Variants in WDR88 observed in about 807,000 individuals in gnomAD.
The protein encoded by WDR88 is WD repeat domain 88.
A neutral mutation model predicts 46.8 loss-of-function variants in WDR88; 40 were observed. The ratio of observed to expected loss-of-function variants is 0.86; its 90% CI spans 0.66 to 1.11. The LOEUF (loss-of-function observed/expected upper bound fraction) is 1.11, where lower values mean the gene tolerates loss of function less well. Ranked by LOEUF, WDR88 falls within the 50% of genes most tolerant of loss-of-function variation. The pLI, the probability that WDR88 is intolerant of heterozygous loss-of-function variation, is 0.00. For missense variants in WDR88, 562 were observed against 602.4 expected, an observed-to-expected ratio of 0.93 and a Z score of 0.70; for synonymous variants, 235 against 240.7, an observed-to-expected ratio of 0.98 and a Z score of 0.22.
At chr19:33,135,891 CTTTTCTTTT>C (rs1160449230) in intron 1 of WDR88, among the ~76,000 whole-genome samples, 1 of 150,870 alleles carries the variant, frequency 6.6e-6, no homozygotes, top group Non-Finnish European at 1.5e-5. Context: ...TTCTTTCTTT[CTTTTCTTTT>C]ATTTTTTAAG....
intron 5 of WDR88, among the ~76,000 whole-genome samples, chr19:33,149,321 C>G (rs1973583708): frequency 7.8e-6 from 1 of 129,024 alleles, no homozygotes; most frequent in African/African-American, 3.9e-5. Flanking sequence ...GACTCCATCT[C>G]AAAAAAACAA....
At chr19:33,166,970 G>C (rs1486082990) in intron 9 of WDR88, among the ~76,000 whole-genome samples, 2 of 152,200 alleles carry the variant, frequency 1.3e-5, no homozygotes, top group East Asian at 1.9e-4. Context: ...AAGATATATA[G>C]AGGTAAGACT....
chr19:33,152,406 T>C (rs1043188213), intron 6 of WDR88, among the ~76,000 whole-genome samples: 1 of 152,100 alleles, frequency 6.6e-6, no homozygotes, highest in Non-Finnish European at 1.5e-5. Flanking sequence ...CGTTAAGCAA[T>C]AACTCCCCAT....
chr19:33,160,292 G>A, intron 7 of WDR88, 122 bp from the exon 8 acceptor site: 1 of 927,508 alleles, frequency 1.1e-6, no homozygotes, highest in Non-Finnish European at 1.8e-6. Context: ...ACTCCAGGAA[G>A]GGGTTTCAGT....
intron 10 of WDR88, among the ~76,000 whole-genome samples, chr19:33,173,311 C>T (rs1412035911): frequency 6.6e-6 from 1 of 152,054 alleles, no homozygotes; most frequent in Non-Finnish European, 1.5e-5. Flanking sequence ...CTGGGCAGGT[C>T]CCCAGTGCCC....
rs573148674 is a variant in WDR88 at position 33,145,735 on chromosome 19, T to C, written c.476+803T>C. Among the ~76,000 whole-genome samples, 4 of 151,972 alleles carry C rather than the reference T, an allele frequency of 2.6e-5. No homozygotes were observed. The South Asian group carries it at 8.3e-4, about 32-fold the overall frequency. ...TTTTTAGTAGAGAGGGGTTTCACCA[T>C]GTTGGCCAGGCTGTTCTCGAACTCT... On this transcript the variant is annotated intron_variant, in intron 3 of 10. Coordinates refer to ENST00000355868, the MANE Select transcript of WDR88 (RefSeq NM_173479.4).
chr19:33,171,722 T>C (rs1286022535), intron 9 of WDR88, among the ~76,000 whole-genome samples: 2 of 152,212 alleles, frequency 1.3e-5, no homozygotes, highest in Non-Finnish European at 2.9e-5. Flanking sequence ...TGTTACTGTA[T>C]ATTTTTGCCA....
chr19:33,137,616 G>C, intron 1 of WDR88, 61 bp from the exon 2 acceptor site: 1 of 1,385,572 alleles, frequency 7.2e-7, no homozygotes, highest in Non-Finnish European at 1.0e-6. Flanking sequence ...ATAATTAACT[G>C]TTGTACATTG....
At chr19:33,157,498 A>AT (rs1973758712) in intron 7 of WDR88, among the ~76,000 whole-genome samples, 4 of 133,698 alleles carry the variant, frequency 3.0e-5, no homozygotes, top group African/African-American at 1.2e-4. Flanking sequence ...ACTCTGTCTC[A>AT]ATATATATAT....
At position 33,159,178 on chromosome 19, in the gene WDR88, A is replaced by C. The variant is rs546607702; in HGVS notation, c.998-1236A>C. On this transcript the variant is annotated intron_variant, in intron 7 of 10. Coordinates refer to ENST00000355868, the MANE Select transcript of WDR88 (RefSeq NM_173479.4). Reference sequence around the variant, plus strand: ...AGACCCCATCTCTACCAAAACAAAAAAAAAAAATTTAGCCAGGTGTGCTGG... The same window carrying C: ...AGACCCCATCTCTACCAAAACAAAACAAAAAAATTTAGCCAGGTGTGCTGG... Among the ~76,000 whole-genome samples the C allele has an allele frequency of 1.8e-3, 270 of 151,832 alleles. 1 individual carries two copies. The highest frequency in any genetic ancestry group is 2.7e-3 in the Non-Finnish European group (185 of 67,930).
intron 6 of WDR88, among the ~76,000 whole-genome samples, chr19:33,154,313 C>T (rs983970602): frequency 2.0e-5 from 3 of 152,054 alleles, no homozygotes; most frequent in Non-Finnish European, 4.4e-5. Flanking sequence ...TCTATCAACA[C>T]GTCATCTAGG....
At chr19:33,133,210 GAGAA>G (rs766137325) in intron 1 of WDR88, among the ~76,000 whole-genome samples, 51 of 148,062 alleles carry the variant, frequency 3.4e-4, no homozygotes, top group East Asian at 9.8e-4. Flanking sequence ...GAGAGAGAGA[GAGAA>G]AGAAAGAAAG....
At chr19:33,164,820 G>A (rs188066308) in intron 9 of WDR88, among the ~76,000 whole-genome samples, 85 of 152,114 alleles carry the variant, frequency 5.6e-4, no homozygotes, top group Admixed American at 2.4e-3. Flanking sequence ...TGGGGGGCGG[G>A]GGATGGTTTT....
Position 33,148,905 on chromosome 19 carries a change from T to G in WDR88, c.674T>G (p.Ile225Ser). Residue 225 changes from isoleucine to serine, a missense_variant, in exon 5 of 11, where the codon ATC (isoleucine) becomes AGC (serine). Physicochemically the swap from Ile to Ser is moderately radical, Grantham distance 142 (BLOSUM62 -2). Coordinates refer to ENST00000355868, the MANE Select transcript of WDR88 (RefSeq NM_173479.4). ...DAENITTVSV[I>S]KDHHTRSITS... ...GAGAACATCACCACCGTTTCCGTCA[T>G]CAAAGGTGAGGGTGTGCGGGCTCCC... is the stretch of plus-strand genomic sequence containing the variant. The G allele has an allele frequency of 6.2e-7, 1 of 1,614,088 alleles. No individual in the cohort carries two copies. Among genetic ancestry groups the G allele is most frequent in the Non-Finnish European group, 8.5e-7 (1 of 1,180,012 alleles).
At chr19:33,151,886 A>G (rs895998469) in intron 6 of WDR88, among the ~76,000 whole-genome samples, 1 of 151,976 alleles carries the variant, frequency 6.6e-6, no homozygotes, top group African/African-American at 2.4e-5. Flanking sequence ...TCTAAAAAAA[A>G]TAAATAAATA....
intron 1 of WDR88, among the ~76,000 whole-genome samples, chr19:33,137,404 C>T (rs1973292020): frequency 6.6e-6 from 1 of 152,000 alleles, no homozygotes; most frequent in Non-Finnish European, 1.5e-5. Flanking sequence ...AGGCATGCGC[C>T]ACCATGCCCA....
intron 6 of WDR88, 123 bp downstream of exon 6, chr19:33,151,433 G>C: frequency 7.8e-7 from 1 of 1,274,414 alleles, no homozygotes; most frequent in Non-Finnish European, 1.1e-6. Flanking sequence ...TAGGTGCTCT[G>C]AGGAGGCTGG....
chr19:33,142,450 C>T (rs1234862338), intron 2 of WDR88, among the ~76,000 whole-genome samples: 1 of 151,804 alleles, frequency 6.6e-6, no homozygotes, highest in East Asian at 1.9e-4. Context: ...GATGCACTTC[C>T]TGGGACATGG....
chr19:33,174,701 C>G, intron 10 of WDR88: 2 of 985,406 alleles, frequency 2.0e-6, no homozygotes, highest in Non-Finnish European at 2.4e-6. Context: ...GGGAGTCATC[C>G]TCTTAGTCCC....
Sources: gnomAD v4.1 joint callset for allele counts (sites outside exome capture counted in the v4.1 genomes callset) on GRCh38, gnomAD v4.1.1 for gene constraint, MANE v1.5 for transcripts, NCBI Gene and HGNC (gene_info 2026-07-23, HGNC 2026-07-21) for gene names.